EHHADH: variants seen among roughly 807,000 people sequenced by gnomAD.
EHHADH encodes the protein peroxisomal bifunctional enzyme.
A neutral mutation model predicts 64.4 loss-of-function variants in EHHADH; 48 were observed. The ratio of observed to expected loss-of-function variants is 0.75; its 90% CI spans 0.59 to 0.95. The LOEUF (loss-of-function observed/expected upper bound fraction) is 0.95, where lower values mean the gene tolerates loss of function less well. Among genes scored for constraint, EHHADH ranks in the 40% least tolerant of loss-of-function variants. The pLI is 0.00. For missense variants in EHHADH, 854 were observed against 876.6 expected, an observed-to-expected ratio of 0.97 and a Z score of 0.33; for synonymous variants, 308 against 326.7, an observed-to-expected ratio of 0.94 and a Z score of 0.62.
intron 4 of EHHADH, among the ~76,000 whole-genome samples, chr3:185,224,498 C>A (rs1325083438): frequency 1.8e-4 from 16 of 90,856 alleles, no homozygotes; most frequent in South Asian, 7.1e-4. Flanking sequence ...GAGACCCTGT[C>A]ACCAAAAAAA....
At position 185,222,331 on chromosome 3, in the gene EHHADH, C is replaced by T. The variant is rs577322965; in HGVS notation, c.464-4091G>A. Among the ~76,000 whole-genome samples, 135 of 151,932 alleles carry T rather than the reference C, an allele frequency of 8.9e-4. 1 individual carries two copies. Among genetic ancestry groups the T allele is most frequent in the African/African-American group, 3.0e-3 (126 of 41,406 alleles). ...CTGGGAGGCGGAGGCTGCAGTGAGC[C>T]GAGATCGTGCCACTGCACTCCAGCC... On this transcript the variant is annotated intron_variant, in intron 4 of 6. Coordinates refer to ENST00000231887, the MANE Select transcript of EHHADH (RefSeq NM_001966.4).
intron 4 of EHHADH, among the ~76,000 whole-genome samples, chr3:185,223,480 G>A (rs188519147): frequency 1.2e-3 from 186 of 152,048 alleles, no homozygotes; most frequent in African/African-American, 4.2e-3. Flanking sequence ...AGGTTTTAGA[G>A]TTGCAGTTGT....
At chr3:185,220,853 C>T (rs1718813015) in intron 4 of EHHADH, among the ~76,000 whole-genome samples, 1 of 152,104 alleles carries the variant, frequency 6.6e-6, no homozygotes, top group African/African-American at 2.4e-5. Context: ...CTAACCTTTA[C>T]AATTTTTTTC....
At chr3:185,233,196 T>C (rs1171435286) in intron 3 of EHHADH, among the ~76,000 whole-genome samples, 1 of 152,184 alleles carries the variant, frequency 6.6e-6, no homozygotes, top group Non-Finnish European at 1.5e-5. Context: ...ATATAACTTG[T>C]GACAATAATA....
intron 4 of EHHADH, among the ~76,000 whole-genome samples, chr3:185,221,526 T>C (rs1684604448): frequency 6.6e-6 from 1 of 151,936 alleles, no homozygotes. Context: ...ATCCCCCCAT[T>C]TAAAGGAAAA....
intron 2 of EHHADH, among the ~76,000 whole-genome samples, chr3:185,247,323 A>G (rs1363561616): frequency 6.6e-6 from 1 of 152,140 alleles, no homozygotes; most frequent in Non-Finnish European, 1.5e-5. Context: ...ACAAAGAAAT[A>G]TCAAGTTCTT....
At chr3:185,232,188 C>T (rs563657617) in intron 3 of EHHADH, among the ~76,000 whole-genome samples, 1 of 152,224 alleles carries the variant, frequency 6.6e-6, no homozygotes, top group Admixed American at 6.5e-5. Flanking sequence ...ATATGTGAGG[C>T]CTGTCTTACA....
intron 2 of EHHADH, chr3:185,246,246 G>A (rs2108651970): frequency 1.1e-6 from 1 of 892,420 alleles, no homozygotes; most frequent in Middle Eastern, 3.6e-4. Context: ...TAGATCATCA[G>A]AAGCATCGTT....
intron 6 of EHHADH, among the ~76,000 whole-genome samples, chr3:185,201,462 A>G (rs1177872204): frequency 6.6e-6 from 1 of 152,162 alleles, no homozygotes; most frequent in Non-Finnish European, 1.5e-5. Context: ...CTGTCCATGG[A>G]GTGTGGGAGA....
At chr3:185,200,861 A>C (rs1329426680) in intron 6 of EHHADH, among the ~76,000 whole-genome samples, 1 of 152,178 alleles carries the variant, frequency 6.6e-6, no homozygotes, top group Non-Finnish European at 1.5e-5. Context: ...GCCTGGGCTC[A>C]TGGAAACAAG....
intron 4 of EHHADH, among the ~76,000 whole-genome samples, chr3:185,223,202 T>A (rs535038902): frequency 1.4e-3 from 213 of 152,310 alleles, no homozygotes; most frequent in African/African-American, 4.9e-3. Context: ...TTTATCTTTT[T>A]GTTAAATTCT....
chr3:185,251,619 TG>T (rs1719751203), intron 1 of EHHADH, among the ~76,000 whole-genome samples: 1 of 148,788 alleles, frequency 6.7e-6, no homozygotes. Flanking sequence ...TGTGTGTGTG[TG>T]TGTGTGTGTG....
At chr3:185,238,854 T>C (rs1015026148) in intron 2 of EHHADH, among the ~76,000 whole-genome samples, 1 of 152,242 alleles carries the variant, frequency 6.6e-6, no homozygotes, top group South Asian at 2.1e-4. Flanking sequence ...TCAAAAGTTA[T>C]TTGCCTAGGC....
At chr3:185,209,497 A>C (rs1718482916) in intron 5 of EHHADH, among the ~76,000 whole-genome samples, 1 of 152,226 alleles carries the variant, frequency 6.6e-6, no homozygotes, top group Non-Finnish European at 1.5e-5. Flanking sequence ...CCATTTTATC[A>C]AAAATGTACA....
At chr3:185,235,985 C>T (rs898831582) in intron 2 of EHHADH, among the ~76,000 whole-genome samples, 16 of 151,936 alleles carry the variant, frequency 1.1e-4, no homozygotes, top group Non-Finnish European at 2.2e-4. Context: ...AATCAAGCAG[C>T]TTAGAATTAT....
chr3:185,200,468 T>A (rs2108627203), intron 6 of EHHADH, among the ~76,000 whole-genome samples: 1 of 152,336 alleles, frequency 6.6e-6, no homozygotes, highest in East Asian at 1.9e-4. Flanking sequence ...TAGCAACTTG[T>A]ATCCTAAACT....
At chr3:185,240,968 C>G (rs545840545) in intron 2 of EHHADH, among the ~76,000 whole-genome samples, 2 of 146,164 alleles carry the variant, frequency 1.4e-5, no homozygotes, top group African/African-American at 5.0e-5. Context: ...TCCCACCCTT[C>G]CCCCCCAAAT....
intron 3 of EHHADH, among the ~76,000 whole-genome samples, chr3:185,230,020 T>C (rs148681865): frequency 6.6e-6 from 1 of 152,190 alleles, no homozygotes; most frequent in African/African-American, 2.4e-5. Flanking sequence ...ACGATCTGGA[T>C]AGACATTCCT....
Position 185,192,616 on chromosome 3 carries a change from G to A in EHHADH, c.1782C>T (p.Pro594=), listed in dbSNP as rs758274708. Residue 594 remains proline (P), a synonymous_variant, in exon 7 of 7, where the codon CCC becomes CCT. Transcript: ENST00000231887. ...ACCGTGATAGGAATTTGGAAAGCCA[G>A]GGATCAGGTTTGTGAATCCTACCCA... The part of the protein sequence containing the change: ...KPLGRIHKPD[P]WLSKFLSRYR... The A allele has an allele frequency of 1.2e-6, 2 of 1,614,180 alleles. No individual in the cohort carries two copies. The highest frequency in any genetic ancestry group is 1.1e-5 in the South Asian group (1 of 91,086).
Sources: gnomAD v4.1 joint callset for allele counts (sites outside exome capture counted in the v4.1 genomes callset) on GRCh38, gnomAD v4.1.1 for gene constraint, MANE v1.5 for transcripts, NCBI Gene and HGNC (gene_info 2026-07-23, HGNC 2026-07-21) for gene names.